SH3D19: variants seen among roughly 807,000 people sequenced by gnomAD.
SH3D19 encodes the protein SH3 domain-containing protein 19.
SH3D19 carries 58 observed loss-of-function variants against 112.1 expected under a neutral mutation model. That is an observed-to-expected ratio of 0.52 (90% CI 0.42 to 0.64). The LOEUF is 0.64. Among genes scored for constraint, SH3D19 ranks in the 30% least tolerant of loss-of-function variants. The pLI, the probability that SH3D19 is intolerant of heterozygous loss-of-function variation, is 0.00. For missense variants in SH3D19, 1,090 were observed against 1,263.4 expected (o/e 0.86, Z 2.08); for synonymous variants, 391 against 448.5 (o/e 0.87, Z 1.62).
chr4:151,286,817 A>G (rs1774835188), intron 1 of SH3D19, among the ~76,000 whole-genome samples: 1 of 151,520 alleles, frequency 6.6e-6, no homozygotes, highest in Non-Finnish European at 1.5e-5. Flanking sequence ...CCATCTCTAC[A>G]AAAAATACAA....
intron 1 of SH3D19, among the ~76,000 whole-genome samples, chr4:151,315,258 A>G (rs574472818): frequency 6.6e-6 from 1 of 152,358 alleles, no homozygotes; most frequent in East Asian, 1.9e-4. Flanking sequence ...ACTAAATGAG[A>G]AAAACACACT....
chr4:151,246,453 G>T (rs755120016), intron 1 of SH3D19, among the ~76,000 whole-genome samples: 1 of 152,214 alleles, frequency 6.6e-6, no homozygotes, highest in East Asian at 1.9e-4. Context: ...ATTGGTAGGA[G>T]TGGGTATGAT....
intron 7 of SH3D19, among the ~76,000 whole-genome samples, chr4:151,167,619 T>C (rs1201606899): frequency 6.6e-6 from 1 of 152,258 alleles, no homozygotes; most frequent in Non-Finnish European, 1.5e-5. Context: ...ACTGGGTGCC[T>C]GCTATGCATT....
At chr4:151,322,812 C>A (rs549736702) in intron 1 of SH3D19, among the ~76,000 whole-genome samples, 1 of 152,276 alleles carries the variant, frequency 6.6e-6, no homozygotes, top group African/African-American at 2.4e-5. Context: ...AATCTCAAGT[C>A]ATTACTTGCT....
intron 1 of SH3D19, among the ~76,000 whole-genome samples, chr4:151,299,205 T>C (rs1216968364): frequency 6.6e-6 from 1 of 152,158 alleles, no homozygotes; most frequent in Non-Finnish European, 1.5e-5. Context: ...CTAGGTTAGA[T>C]AAAAACAAAA....
chr4:151,238,425 G>C (rs1052972699), intron 1 of SH3D19, among the ~76,000 whole-genome samples: 5 of 152,062 alleles, frequency 3.3e-5, no homozygotes, highest in Non-Finnish European at 7.4e-5. Flanking sequence ...AGCTGTTAAG[G>C]GTAAAAATAA....
At chr4:151,158,103 A>G (rs537583784) in intron 9 of SH3D19, among the ~76,000 whole-genome samples, 27 of 152,188 alleles carry the variant, frequency 1.8e-4, no homozygotes, top group Non-Finnish European at 3.5e-4. Flanking sequence ...TTCCAAACAG[A>G]ATTGGTGAAA....
intron 1 of SH3D19, among the ~76,000 whole-genome samples, chr4:151,307,456 G>T (rs143379519): frequency 6.6e-6 from 1 of 152,194 alleles, no homozygotes; most frequent in Admixed American, 6.5e-5. Context: ...CGCAGCCCTC[G>T]TGAGCCCAAA....
At position 151,165,886 on chromosome 4, in the gene SH3D19, A is replaced by G. The variant is rs189661208; in HGVS notation, c.1535-190T>C. ...AAGGAAATAACTTAGTGTTCTGTAA[A>G]TAATTCATGCGGCTTTTCTTCCTCT... On this transcript the variant is annotated intron_variant, in intron 7 of 19. Transcript: ENST00000604030. 3.0e-5 allele frequency: 16 copies of G among 536,634 alleles called. No individual in the cohort carries two copies. In the East Asian group the frequency reaches 3.7e-4, roughly 12 times the overall value. 33.2% of individuals were successfully genotyped at this position (536,634 alleles called of 1,614,324 possible). A position where few individuals can be genotyped will look rare whatever the true frequency, so the allele number is the denominator to read the frequency against.
intron 1 of SH3D19, chr4:151,280,054 T>TCAACTAG: frequency 2.3e-6 from 2 of 872,648 alleles, no homozygotes; most frequent in Non-Finnish European, 3.4e-6. Flanking sequence ...AGTGGTAAAA[T>TCAACTAG]AGGCAGGGCG....
intron 1 of SH3D19, among the ~76,000 whole-genome samples, chr4:151,249,750 ACTCT>A (rs1048970170): frequency 2.6e-5 from 4 of 152,110 alleles, no homozygotes; most frequent in African/African-American, 7.2e-5. Flanking sequence ...GACTTTCATT[ACTCT>A]CTCTTTCTTC....
chr4:151,188,469 C>T (rs1227544928), intron 2 of SH3D19, among the ~76,000 whole-genome samples: 1 of 152,186 alleles, frequency 6.6e-6, no homozygotes, highest in Non-Finnish European at 1.5e-5. Flanking sequence ...TATATACTTA[C>T]CAGTTAAGTA....
At chr4:151,148,403 G>A (rs1264333397) in intron 10 of SH3D19, among the ~76,000 whole-genome samples, 2 of 152,118 alleles carry the variant, frequency 1.3e-5, no homozygotes, top group Non-Finnish European at 2.9e-5. Context: ...ATGCCATGAT[G>A]TTCCAGTTTC....
intron 14 of SH3D19, among the ~76,000 whole-genome samples, chr4:151,135,831 T>C (rs1176328831): frequency 6.6e-6 from 1 of 152,092 alleles, no homozygotes; most frequent in East Asian, 1.9e-4. Context: ...GTTGGTAGAA[T>C]CCTGCAATGC....
chr4:151,291,563 A>C, intron 1 of SH3D19: 2 of 688,636 alleles, frequency 2.9e-6, no homozygotes, highest in Non-Finnish European at 4.8e-6. Flanking sequence ...GTGAAGAGTT[A>C]AGAAATAAAA....
Position 151,176,696 on chromosome 4 carries a change from T to G in SH3D19, c.376-9A>C, listed in dbSNP as rs2149829988. The G allele has an allele frequency of 8.1e-7, 1 of 1,231,962 alleles. No individual in the cohort carries two copies. Among genetic ancestry groups the G allele is most frequent in the East Asian group, 3.2e-5 (1 of 31,710 alleles). The allele number at this position is 1,231,962 out of a possible 1,614,324, so 76.3% of individuals were successfully genotyped here. On this transcript the variant is annotated splice_polypyrimidine_tract_variant and intron_variant, in intron 5 of 19. Coordinates refer to ENST00000604030, the MANE Select transcript of SH3D19 (RefSeq NM_001378122.1). ...TCATAAGATGGTGGGAGCTGAAAAGTAAAGAATGAAGATTTTAGACATCTA... is the reference window on the plus strand; with the variant it reads ...TCATAAGATGGTGGGAGCTGAAAAGGAAAGAATGAAGATTTTAGACATCTA...
intron 2 of SH3D19, among the ~76,000 whole-genome samples, chr4:151,198,134 T>C (rs952634759): frequency 6.3e-4 from 96 of 151,236 alleles, no homozygotes; most frequent in African/African-American, 2.2e-3. Flanking sequence ...TGAAACCTCA[T>C]CTCTACAAAA....
chr4:151,160,218 C>G (rs1474147897), intron 8 of SH3D19, among the ~76,000 whole-genome samples: 1 of 151,752 alleles, frequency 6.6e-6, no homozygotes, highest in Admixed American at 6.6e-5. Flanking sequence ...TCCGGAGTAG[C>G]TGGGACTACA....
At position 151,163,251 on chromosome 4, in the gene SH3D19, A is replaced by G. The variant is rs1324321561; in HGVS notation, c.1642+2338T>C. Among the ~76,000 whole-genome samples, 7 of 152,210 alleles carry G rather than the reference A, an allele frequency of 4.6e-5. No homozygotes were observed. The South Asian group carries it at 1.2e-3, about 27-fold the overall frequency. On this transcript the variant is annotated intron_variant, in intron 8 of 19. Transcript: ENST00000604030. ...TGATTGTGCCTCATATACTTTTGCT[A>G]TAATAAATAATAGCCATACATACAA... is the stretch of plus-strand genomic sequence containing the variant.
Sources: gnomAD v4.1 joint callset for allele counts (sites outside exome capture counted in the v4.1 genomes callset) on GRCh38, gnomAD v4.1.1 for gene constraint, MANE v1.5 for transcripts, NCBI Gene and HGNC (gene_info 2026-07-23, HGNC 2026-07-21) for gene names.